Variants in SVOPL observed in about 807,000 individuals in gnomAD.
SVOPL encodes the protein putative transporter SVOPL.
Under a neutral mutation model 61.0 loss-of-function variants are expected in SVOPL, and 60 were observed. That is an observed-to-expected ratio of 0.98 (90% CI 0.80 to 1.22). The LOEUF (loss-of-function observed/expected upper bound fraction) is 1.22. Among genes scored for constraint, SVOPL ranks in the 50% most tolerant of loss-of-function variants. The pLI is 0.00. For missense variants in SVOPL, 662 were observed against 643.9 expected (o/e 1.03, Z -0.30); for synonymous variants, 279 against 250.0 (o/e 1.12, Z -1.09).
At chr7:138,646,074 A>G in intron 8 of SVOPL, 1 of 171,846 alleles carries the variant, frequency 5.8e-6, no homozygotes, top group Non-Finnish European at 1.2e-5. Flanking sequence ...TCAGCCTCCC[A>G]AAGTGCTGGG....
intron 13 of SVOPL, among the ~76,000 whole-genome samples, chr7:138,621,440 T>A (rs1799559883): frequency 6.6e-6 from 1 of 152,150 alleles, no homozygotes; most frequent in African/African-American, 2.4e-5. Flanking sequence ...AGAGTGCCAC[T>A]TCAGAACTAT....
chr7:138,676,938 C>T (rs1337410075), intron 3 of SVOPL, among the ~76,000 whole-genome samples: 1 of 112,768 alleles, frequency 8.9e-6, no homozygotes, highest in African/African-American at 3.7e-5. Context: ...AAGTCTCGCT[C>T]TGTCATCAGG....
In SVOPL at chr7:138,644,586, T is replaced by C. The variant is rs1193915053; in HGVS notation, c.789+131A>G. 5.4e-6 allele frequency: 7 copies of C among 1,299,140 alleles called. No individual in the cohort carries two copies. The African/African-American group carries it at 7.4e-5, about 14-fold the overall frequency. 80.5% of individuals were successfully genotyped at this position (1,299,140 alleles called of 1,614,324 possible). A position where few individuals can be genotyped will look rare whatever the true frequency, so the allele number is the denominator to read the frequency against. On this transcript the variant is annotated intron_variant, in intron 9 of 15. Transcript: ENST00000674285. ...GAAAATGAATGTAGCCTCACATCTT[T>C]CCTGGCCATCGCCCTGCCTCTCAGA...
intron 14 of SVOPL, among the ~76,000 whole-genome samples, chr7:138,619,561 T>TAAAAAAAAA (rs11440977): frequency 3.3e-5 from 2 of 60,320 alleles, no homozygotes; most frequent in African/African-American, 1.2e-4. Flanking sequence ...TCTCAGATGT[T>TAAAAAAAAA]AAAAAAAAAA....
intron 8 of SVOPL, among the ~76,000 whole-genome samples, 181 bp from the exon 9 acceptor site, chr7:138,645,026 G>A (rs571766348): frequency 6.6e-6 from 1 of 152,182 alleles, no homozygotes; most frequent in African/African-American, 2.4e-5. Context: ...GAACAAAAAA[G>A]GTCATGTTCT....
chr7:138,641,875 G>A (rs1800820016), intron 9 of SVOPL, among the ~76,000 whole-genome samples: 1 of 137,844 alleles, frequency 7.3e-6, no homozygotes, highest in Non-Finnish European at 1.5e-5. Flanking sequence ...GAGTGTGTAT[G>A]TATATATAGT....
chr7:138,694,355 C>G lies in SVOPL; in HGVS notation c.-35+6823G>C, dbSNP rs189686358. On this transcript the variant is annotated intron_variant, in intron 1 of 15. Transcript: ENST00000674285. ...TGCCTCCTGGGTTCAAGTGATTCTC[C>G]TGCCTCAGCCTCCCCAGTAGCTGGG... is the stretch of plus-strand genomic sequence containing the variant. Among the ~76,000 whole-genome samples the G allele has an allele frequency of 5.3e-3, 805 of 152,254 alleles. 2 individuals carry two copies. The highest frequency in any genetic ancestry group is 0.019 in the African/African-American group (775 of 41,530).
intron 14 of SVOPL, among the ~76,000 whole-genome samples, chr7:138,602,188 G>T (rs927677337): frequency 2.2e-4 from 34 of 152,094 alleles, no homozygotes; most frequent in Non-Finnish European, 3.7e-4. Context: ...TCTGCAGCCT[G>T]GGCAACAAAG....
chr7:138,600,916 G>C (rs1198481648), intron 14 of SVOPL, among the ~76,000 whole-genome samples: 1 of 152,064 alleles, frequency 6.6e-6, no homozygotes, highest in African/African-American at 2.4e-5. Flanking sequence ...GTTAAAAGTA[G>C]TACTACCAGA....
intron 9 of SVOPL, among the ~76,000 whole-genome samples, chr7:138,637,463 T>TATATATATATATATATAGATATAG (rs1554463004): frequency 5.2e-5 from 1 of 19,094 alleles, no homozygotes; most frequent in African/African-American, 1.4e-4. Flanking sequence ...TAGATATATA[T>TATATATATATATATATAGATATAG]ATATAGATAT....
At chr7:138,699,751 G>A (rs1451232133) in intron 1 of SVOPL, among the ~76,000 whole-genome samples, 2 of 152,182 alleles carry the variant, frequency 1.3e-5, no homozygotes, top group African/African-American at 2.4e-5. Context: ...GGAAAAAAAG[G>A]GCTGGTGGTG....
intron 14 of SVOPL, among the ~76,000 whole-genome samples, chr7:138,600,244 A>G (rs1248088933): frequency 6.6e-6 from 1 of 152,220 alleles, no homozygotes; most frequent in African/African-American, 2.4e-5. Context: ...AATAATGAAC[A>G]AAGTGCAAAT....
At chr7:138,618,925 C>T (rs113520440) in intron 14 of SVOPL, among the ~76,000 whole-genome samples, 12,694 of 152,182 alleles carry the variant, frequency 0.083, 657 homozygotes, top group African/African-American at 0.14. Flanking sequence ...CAGGGCATTA[C>T]GGCCCCAGGA....
chr7:138,621,474 G>A (rs1040064323), intron 13 of SVOPL, among the ~76,000 whole-genome samples: 2 of 152,284 alleles, frequency 1.3e-5, no homozygotes, highest in South Asian at 2.1e-4. Flanking sequence ...TGATTCTACT[G>A]AACGGGAAGA....
chr7:138,611,836 G>T (rs1250649563), intron 14 of SVOPL, among the ~76,000 whole-genome samples: 10 of 63,586 alleles, frequency 1.6e-4, no homozygotes, highest in East Asian at 1.2e-3. Flanking sequence ...CGCCTGCCTT[G>T]GCCTCCCAAA....
intron 3 of SVOPL, among the ~76,000 whole-genome samples, chr7:138,677,836 C>G (rs1216993061): frequency 6.7e-6 from 1 of 149,896 alleles, no homozygotes; most frequent in African/African-American, 2.5e-5. Context: ...GATCTCAGCT[C>G]ACTGCAACCT....
Position 138,635,206 on chromosome 7 carries a change from T to A in SVOPL, c.790-5084A>T, listed in dbSNP as rs547798687. Among the ~76,000 whole-genome samples the A allele has an allele frequency of 1.0e-4, 15 of 149,532 alleles. No individual in the cohort carries two copies. The South Asian group carries it at 3.0e-3, about 29-fold the overall frequency. ...AAAATCGCTTGAACCCATGAAGCAG[T>A]GGTTGCAGTGAGCCAAGATTGCACC... On this transcript the variant is annotated intron_variant, in intron 9 of 15. Coordinates refer to ENST00000674285, the MANE Select transcript of SVOPL (RefSeq NM_001139456.2).
intron 10 of SVOPL, among the ~76,000 whole-genome samples, chr7:138,629,061 T>TAAA (rs1010623482): frequency 4.0e-5 from 6 of 151,626 alleles, no homozygotes; most frequent in Admixed American, 6.6e-5. Flanking sequence ...TTTAAAAACT[T>TAAA]AAAAAACTGG....
chr7:138,639,465 A>T (rs571459423), intron 9 of SVOPL, among the ~76,000 whole-genome samples: 2 of 151,686 alleles, frequency 1.3e-5, no homozygotes, highest in East Asian at 3.9e-4. Flanking sequence ...TGTCTCTATT[A>T]AAAAAACGAA....
Sources: allele counts gnomAD v4.1 joint callset (sites outside exome capture counted in the v4.1 genomes callset), GRCh38; gene constraint gnomAD v4.1.1; transcripts MANE v1.5; gene names NCBI Gene and HGNC (gene_info 2026-07-23, HGNC 2026-07-21).